GNA12: variants seen among roughly 807,000 people sequenced by gnomAD.
The protein encoded by GNA12 is guanine nucleotide-binding protein subunit alpha-12.
GNA12 carries 9 observed loss-of-function variants against 26.0 expected under a neutral mutation model. The ratio of observed to expected loss-of-function variants is 0.35; its 90% CI spans 0.21 to 0.60. GNA12 has a LOEUF of 0.60. GNA12 is among the 20% of genes least tolerant of loss of function. The pLI is 0.78. For synonymous variants in GNA12, 264 were observed against 219.6 expected (o/e 1.20, Z -1.79); for missense variants, 405 against 525.8 (o/e 0.77, Z 2.25).
intron 1 of GNA12, among the ~76,000 whole-genome samples, chr7:2,808,570 C>G (rs1793006568): frequency 6.6e-6 from 1 of 152,220 alleles, no homozygotes; most frequent in Admixed American, 6.5e-5. Flanking sequence ...CAGCAGCGGC[C>G]TGCAGCTAGG....
intron 2 of GNA12, among the ~76,000 whole-genome samples, chr7:2,739,505 A>G (rs1249444018): frequency 2.0e-5 from 3 of 152,052 alleles, no homozygotes; most frequent in Admixed American, 6.6e-5. Context: ...ATTACATGCC[A>G]TTGTATGGAT....
chr7:2,734,383 C>A (rs547639832), intron 2 of GNA12, among the ~76,000 whole-genome samples: 74 of 152,314 alleles, frequency 4.9e-4, no homozygotes, highest in African/African-American at 1.7e-3. Flanking sequence ...CACCAGCAGG[C>A]GGGGTCAAGG....
chr7:2,818,955 G>A (rs944937305), intron 1 of GNA12, among the ~76,000 whole-genome samples: 1 of 152,144 alleles, frequency 6.6e-6, no homozygotes, highest in Non-Finnish European at 1.5e-5. Context: ...AAAGATGGCC[G>A]GGGGTATTCA....
chr7:2,821,090 A>G lies in GNA12; in HGVS notation c.309+22763T>C, dbSNP rs530177082. 2.2e-3 allele frequency among the ~76,000 whole-genome samples: 342 copies of G among 152,330 alleles called. 1 individual carries two copies. Among genetic ancestry groups the G allele is most frequent in the African/African-American group, 7.0e-3 (290 of 41,584 alleles). On this transcript the variant is annotated intron_variant, in intron 1 of 3. Coordinates refer to ENST00000275364, the MANE Select transcript of GNA12 (RefSeq NM_007353.3). The stretch of plus-strand genomic sequence containing the variant: ...ACAAAACTCCACAGGAATCACTCCC[A>G]TTTCACAAAAATGTTGTCTAGGTGA...
intron 1 of GNA12, among the ~76,000 whole-genome samples, chr7:2,837,851 G>A (rs1000818704): frequency 6.6e-6 from 1 of 151,494 alleles, no homozygotes; most frequent in African/African-American, 2.4e-5. Context: ...AAAAAAAAAA[G>A]GGACAATTTT....
At chr7:2,835,556 G>C (rs576952693) in intron 1 of GNA12, 2 of 490,576 alleles carry the variant, frequency 4.1e-6, no homozygotes, top group African/African-American at 2.0e-5. Context: ...ATTCTGGGCC[G>C]ACAGGGAGCA....
chr7:2,758,781 T>C (rs1791419293), intron 2 of GNA12, among the ~76,000 whole-genome samples: 1 of 152,188 alleles, frequency 6.6e-6, no homozygotes, highest in Non-Finnish European at 1.5e-5. Flanking sequence ...GATAATCAAG[T>C]GCAGTTTACT....
chr7:2,786,937 G>A (rs914116096), intron 2 of GNA12, among the ~76,000 whole-genome samples: 9 of 152,146 alleles, frequency 5.9e-5, no homozygotes, highest in African/African-American at 7.2e-5. Flanking sequence ...CCAAGCCCCC[G>A]GCAAGGAAGA....
Position 2,814,252 on chromosome 7 carries a change from A to C in GNA12, c.310-19109T>G, listed in dbSNP as rs1041314269. On this transcript the variant is annotated intron_variant, in intron 1 of 3. Transcript: ENST00000275364. ...TATCCTGTTGGCTGTGCTTCTTTGGAGAATCCTGACTGAGATCAGGGAGAT... is the reference window on the plus strand; with the variant it reads ...TATCCTGTTGGCTGTGCTTCTTTGGCGAATCCTGACTGAGATCAGGGAGAT... 4.5e-6 allele frequency: 4 copies of C among 881,088 alleles called. No homozygotes were observed. In the East Asian group the frequency reaches 9.6e-5, roughly 21 times the overall value. The allele number at this position is 881,088 out of a possible 1,614,324, so 54.6% of individuals were successfully genotyped here.
intron 2 of GNA12, among the ~76,000 whole-genome samples, chr7:2,740,353 C>A (rs1214489726): frequency 3.3e-5 from 5 of 152,066 alleles, no homozygotes; most frequent in Non-Finnish European, 7.4e-5. Context: ...TACGATAGTG[C>A]CTTCATAAGA....
chr7:2,738,046 C>G (rs1213073546), intron 2 of GNA12, among the ~76,000 whole-genome samples: 1 of 152,120 alleles, frequency 6.6e-6, no homozygotes, highest in African/African-American at 2.4e-5. Flanking sequence ...ACACCACATT[C>G]ATATACATTA....
chr7:2,804,580 A>AT (rs1464087747), intron 1 of GNA12, among the ~76,000 whole-genome samples: 1 of 152,190 alleles, frequency 6.6e-6, no homozygotes, highest in African/African-American at 2.4e-5. Flanking sequence ...TGAAAAACTG[A>AT]TAAGAGTGCA....
intron 1 of GNA12, 146 bp downstream of exon 1, chr7:2,843,707 G>C (rs868744281): frequency 2.8e-5 from 12 of 431,434 alleles, no homozygotes; most frequent in African/African-American, 1.5e-4. Context: ...AATGGGTCGG[G>C]GGGGAGTGGG....
chr7:2,737,766 G>A (rs1790282639), intron 2 of GNA12, among the ~76,000 whole-genome samples: 2 of 152,182 alleles, frequency 1.3e-5, no homozygotes, highest in African/African-American at 2.4e-5. Flanking sequence ...TGTATGAAAA[G>A]TAACAGCAAA....
intron 1 of GNA12, among the ~76,000 whole-genome samples, chr7:2,842,005 G>GAGGGAGGGAGGAAGGAAGAA (rs74208620): frequency 0.25 from 37,541 of 148,252 alleles, 5,305 homozygotes; most frequent in East Asian, 0.34. Flanking sequence ...GAGAGGTAGG[G>GAGGGAGGGAGGAAGGAAGAA]AGGGAGGGAG....
chr7:2,822,586 G>T (rs1407708503), intron 1 of GNA12, among the ~76,000 whole-genome samples: 18 of 152,130 alleles, frequency 1.2e-4, no homozygotes, highest in Non-Finnish European at 2.4e-4. Context: ...TGCAAGCCCA[G>T]GGCAGGAGGA....
intron 2 of GNA12, chr7:2,794,722 G>T: frequency 1.7e-6 from 1 of 589,902 alleles, no homozygotes; most frequent in Non-Finnish European, 3.0e-6. Flanking sequence ...GATCTTACCT[G>T]AGTGGCTCTT....
intron 1 of GNA12, chr7:2,835,754 A>T: frequency 1.4e-6 from 1 of 701,380 alleles, no homozygotes; most frequent in Non-Finnish European, 2.6e-6. Flanking sequence ...GTAAAACAGA[A>T]ACAACTCCAA....
intron 2 of GNA12, among the ~76,000 whole-genome samples, chr7:2,773,115 A>C (rs2115423840): frequency 6.6e-6 from 1 of 152,366 alleles, no homozygotes; most frequent in African/African-American, 2.4e-5. Context: ...GAGGAGTGGT[A>C]TCAATGGGGA....
Sources: allele counts gnomAD v4.1 joint callset (sites outside exome capture counted in the v4.1 genomes callset), GRCh38; gene constraint gnomAD v4.1.1; transcripts MANE v1.5; gene names NCBI Gene and HGNC (gene_info 2026-07-23, HGNC 2026-07-21).